The following ADAMTSL1 variants were observed in gnomAD, a reference collection of about 807,000 sequenced individuals.
The protein encoded by ADAMTSL1 is ADAMTS like 1.
A neutral mutation model predicts 201.8 loss-of-function variants in ADAMTSL1; 126 were observed. That is an observed-to-expected ratio of 0.62 (90% CI 0.54 to 0.72). The LOEUF (loss-of-function observed/expected upper bound fraction) is 0.72, where lower values mean the gene tolerates loss of function less well. ADAMTSL1 is among the 30% of genes least tolerant of loss of function. The probability of loss-of-function intolerance (pLI) is 0.00; values close to 1 mark genes in which losing one functional copy is unlikely to be tolerated. For missense variants in ADAMTSL1, 2,679 were observed against 2,277.8 expected (o/e 1.18, Z -3.59); for synonymous variants, 1,121 against 903.4 (o/e 1.24, Z -4.32).
At chr9:18,709,205 T>C (rs553473184) in intron 14 of ADAMTSL1, among the ~76,000 whole-genome samples, 16 of 152,322 alleles carry the variant, frequency 1.1e-4, no homozygotes, top group African/African-American at 3.1e-4. Context: ...ATGCTTGGGT[T>C]ATATGGTCCA....
intron 1 of ADAMTSL1, among the ~76,000 whole-genome samples, chr9:18,098,847 G>A (rs1333953962): frequency 1.3e-5 from 2 of 152,070 alleles, no homozygotes; most frequent in African/African-American, 4.8e-5. Context: ...GCTTAGCTAG[G>A]ACTCCAGCTC....
intron 2 of ADAMTSL1, among the ~76,000 whole-genome samples, chr9:18,185,749 A>T (rs1828703761): frequency 6.6e-6 from 1 of 152,212 alleles, no homozygotes; most frequent in South Asian, 2.1e-4. Context: ...TTGAAAGCAT[A>T]ATTGAGTAAC....
rs200157306 is a variant in ADAMTSL1, at chr9:18,535,084, A to AT, written c.237+1798dup. ...AGGCTTGAATTTCTCCCAGAAAAAA[A>AT]TTTTTTCTATTTCATCATCAGGCTG... On this transcript the variant is annotated intron_variant, in intron 3 of 28. Transcript: ENST00000380548. Among the ~76,000 whole-genome samples, 638 of 151,774 alleles carry AT rather than the reference A, an allele frequency of 4.2e-3. 4 individuals are homozygous for AT. Among genetic ancestry groups the AT allele is most frequent in the African/African-American group, 0.014 (582 of 41,248 alleles).
At chr9:18,538,726 T>G (rs1034663677) in intron 3 of ADAMTSL1, among the ~76,000 whole-genome samples, 1 of 152,102 alleles carries the variant, frequency 6.6e-6, no homozygotes, top group African/African-American at 2.4e-5. Flanking sequence ...ATTCACAGAG[T>G]TGTTCATGTG....
At chr9:18,286,019 T>C (rs528671762) in intron 2 of ADAMTSL1, among the ~76,000 whole-genome samples, 5 of 151,972 alleles carry the variant, frequency 3.3e-5, no homozygotes, top group African/African-American at 9.7e-5. Flanking sequence ...CCTAGCTCTA[T>C]GCAACTGGTT....
intron 2 of ADAMTSL1, among the ~76,000 whole-genome samples, chr9:18,349,620 G>A (rs1380583790): frequency 6.6e-6 from 1 of 152,008 alleles, no homozygotes; most frequent in Non-Finnish European, 1.5e-5. Context: ...GAAAATATTT[G>A]GTATCCTTTT....
intron 2 of ADAMTSL1, among the ~76,000 whole-genome samples, chr9:18,523,512 T>C (rs1042966344): frequency 4.6e-5 from 7 of 152,326 alleles, no homozygotes; most frequent in African/African-American, 7.2e-5. Flanking sequence ...ATGAAGTCCT[T>C]GCCCATGCCT....
At chr9:18,756,752 A>C (rs1819798057) in intron 16 of ADAMTSL1, among the ~76,000 whole-genome samples, 1 of 152,208 alleles carries the variant, frequency 6.6e-6, no homozygotes, top group Non-Finnish European at 1.5e-5. Flanking sequence ...CGTTTAAAGG[A>C]ATACAGATAA....
chr9:17,985,743 T>C (rs938089762), intron 1 of ADAMTSL1, among the ~76,000 whole-genome samples: 1 of 152,142 alleles, frequency 6.6e-6, no homozygotes, highest in African/African-American at 2.4e-5. Flanking sequence ...AATCCTTTCA[T>C]TTTATAAATG....
At chr9:18,633,681 C>T (rs1282843475) in intron 5 of ADAMTSL1, among the ~76,000 whole-genome samples, 1 of 132,998 alleles carries the variant, frequency 7.5e-6, no homozygotes, top group African/African-American at 2.7e-5. Flanking sequence ...ATTCCCCTTA[C>T]ACTTTTTTCT....
At chr9:18,706,031 A>G (rs1832210744) in intron 13 of ADAMTSL1, among the ~76,000 whole-genome samples, 2 of 152,228 alleles carry the variant, frequency 1.3e-5, no homozygotes, top group Non-Finnish European at 1.5e-5. Context: ...AAGTAAAGGA[A>G]TAAAAGGGTG....
chr9:18,434,554 A>G (rs1234607601), intron 2 of ADAMTSL1, among the ~76,000 whole-genome samples: 1 of 152,208 alleles, frequency 6.6e-6, no homozygotes, highest in Non-Finnish European at 1.5e-5. Flanking sequence ...CAAGAGTAAT[A>G]AAGATTTTGA....
chr9:18,875,194 A>T (rs947673032), intron 23 of ADAMTSL1, among the ~76,000 whole-genome samples: 10 of 152,002 alleles, frequency 6.6e-5, no homozygotes, highest in African/African-American at 2.4e-4. Context: ...GTTTTGTTTC[A>T]TCTTTTTAAA....
intron 1 of ADAMTSL1, among the ~76,000 whole-genome samples, chr9:17,982,032 G>A (rs1182974954): frequency 6.6e-6 from 1 of 152,128 alleles, no homozygotes; most frequent in Non-Finnish European, 1.5e-5. Flanking sequence ...ACTTAAAAAG[G>A]GAGAAGGCCT....
intron 2 of ADAMTSL1, among the ~76,000 whole-genome samples, chr9:18,303,647 G>T (rs1460092096): frequency 6.6e-6 from 1 of 152,204 alleles, no homozygotes; most frequent in Non-Finnish European, 1.5e-5. Flanking sequence ...AATGACAAGA[G>T]TCAGGAGAGG....
intron 2 of ADAMTSL1, among the ~76,000 whole-genome samples, chr9:18,381,740 T>G (rs1008247088): frequency 2.6e-5 from 4 of 152,100 alleles, no homozygotes; most frequent in African/African-American, 9.7e-5. Flanking sequence ...AATGAGCCAA[T>G]TTTTAAAACT....
At chr9:17,949,275 C>T (rs777212354) in intron 1 of ADAMTSL1, among the ~76,000 whole-genome samples, 1 of 152,074 alleles carries the variant, frequency 6.6e-6, no homozygotes, top group Non-Finnish European at 1.5e-5. Flanking sequence ...GAGGTAGTCT[C>T]CCAGGGACAG....
intron 2 of ADAMTSL1, among the ~76,000 whole-genome samples, chr9:18,357,159 A>G (rs1462345435): frequency 6.6e-6 from 1 of 152,152 alleles, no homozygotes. Flanking sequence ...ATGCTTTTTA[A>G]TAGAAAGGAC....
intron 2 of ADAMTSL1, among the ~76,000 whole-genome samples, chr9:18,214,208 A>G (rs1295384798): frequency 1.3e-5 from 2 of 152,204 alleles, no homozygotes; most frequent in Admixed American, 1.3e-4. Context: ...CAATAAACCC[A>G]GAATTACATT....
Sources: allele counts gnomAD v4.1 joint callset (sites outside exome capture counted in the v4.1 genomes callset), GRCh38; gene constraint gnomAD v4.1.1; transcripts MANE v1.5; gene names NCBI Gene and HGNC (gene_info 2026-07-23, HGNC 2026-07-21).